Variants in HHAT observed in about 807,000 individuals in gnomAD.
HHAT encodes the protein protein-cysteine N-palmitoyltransferase HHAT.
Under a neutral mutation model 70.8 loss-of-function variants are expected in HHAT, and 47 were observed. The observed-to-expected ratio is 0.66, with a 90% CI of 0.53 to 0.85. HHAT has a LOEUF of 0.85. Among genes scored for constraint, HHAT ranks in the 40% least tolerant of loss-of-function variants. The pLI is 0.00. For synonymous variants in HHAT, 228 were observed against 247.6 expected (o/e 0.92, Z 0.74); for missense variants, 609 against 604.8 (o/e 1.01, Z -0.07).
intron 9 of HHAT, among the ~76,000 whole-genome samples, chr1:210,575,934 T>C (rs1204479666): frequency 1.3e-5 from 2 of 152,184 alleles, no homozygotes; most frequent in Non-Finnish European, 2.9e-5. Context: ...GTGACAGTTA[T>C]TTGATGGCAA....
In HHAT at chr1:210,464,582, C is replaced by T. The variant is rs777865030; in HGVS notation, c.934C>T (p.Arg312Cys). The change falls in exon 8 of 12, where the codon CGC becomes TGC. Residue 312 changes from arginine to cysteine, a missense_variant. By Grantham distance (180) the Arg-to-Cys change is radical. Transcript: ENST00000261458. Reference protein sequence around the residue: ...VLFGVPALLMRLDGLTPPALP... With the variant: ...VLFGVPALLMCLDGLTPPALP... ...CTTTGGCGTGCCTGCTCTGCTCATGCGCCTGGATGGACTCACTCCACCCGC... is the reference window on the plus strand; with the variant it reads ...CTTTGGCGTGCCTGCTCTGCTCATGTGCCTGGATGGACTCACTCCACCCGC... 22 of 1,614,184 alleles carry T rather than the reference C, an allele frequency of 1.4e-5. No individual in the cohort carries two copies. The highest frequency in any genetic ancestry group is 9.9e-5 in the South Asian group (9 of 91,088).
At chr1:210,374,727 CT>C (rs1485946704) in intron 3 of HHAT, among the ~76,000 whole-genome samples, 1 of 150,990 alleles carries the variant, frequency 6.6e-6, no homozygotes, top group Non-Finnish European at 1.5e-5. Context: ...ACAGAGAGGC[CT>C]TGTGTACCTC....
intron 8 of HHAT, among the ~76,000 whole-genome samples, chr1:210,511,569 G>A (rs540033835): frequency 2.2e-4 from 33 of 152,188 alleles, no homozygotes; most frequent in African/African-American, 7.9e-4. Flanking sequence ...GACAGGCAGG[G>A]TCTGGACAGG....
intron 3 of HHAT, among the ~76,000 whole-genome samples, chr1:210,382,251 C>T (rs11119478): frequency 0.024 from 3,610 of 152,280 alleles, 159 homozygotes; most frequent in African/African-American, 0.082. Flanking sequence ...CCCTTCTCCA[C>T]GGGTGGGTGA....
At chr1:210,538,204 A>G (rs944028298) in intron 9 of HHAT, among the ~76,000 whole-genome samples, 1 of 152,122 alleles carries the variant, frequency 6.6e-6, no homozygotes, top group Non-Finnish European at 1.5e-5. Flanking sequence ...AAGGCAATGT[A>G]TTCCTCATTG....
chr1:210,669,344 C>T (rs1229735299), intron 11 of HHAT, among the ~76,000 whole-genome samples: 5 of 152,192 alleles, frequency 3.3e-5, no homozygotes, highest in African/African-American at 7.2e-5. Context: ...ACCTTCTCTT[C>T]GCTTCAGCCA....
At chr1:210,566,033 A>G (rs1307865423) in intron 9 of HHAT, among the ~76,000 whole-genome samples, 3 of 152,070 alleles carry the variant, frequency 2.0e-5, no homozygotes, top group African/African-American at 7.2e-5. Context: ...ACCAGATTTG[A>G]GTAGAAATGC....
At chr1:210,660,936 C>A (rs1465338737) in intron 11 of HHAT, among the ~76,000 whole-genome samples, 1 of 152,074 alleles carries the variant, frequency 6.6e-6, no homozygotes, top group Non-Finnish European at 1.5e-5. Flanking sequence ...AATGACTTAA[C>A]TGTTAGACCC....
chr1:210,346,325 A>G (rs1468350270), intron 1 of HHAT, among the ~76,000 whole-genome samples: 1 of 152,210 alleles, frequency 6.6e-6, no homozygotes, highest in Non-Finnish European at 1.5e-5. Flanking sequence ...ATGTAATACC[A>G]ACATCTTTTG....
intron 9 of HHAT, among the ~76,000 whole-genome samples, chr1:210,539,575 T>G (rs749623891): frequency 6.6e-6 from 1 of 152,186 alleles, no homozygotes; most frequent in Non-Finnish European, 1.5e-5. Flanking sequence ...TCGAGGATTT[T>G]GGGATAGAGA....
intron 1 of HHAT, among the ~76,000 whole-genome samples, chr1:210,334,357 T>C (rs1337335215): frequency 2.0e-5 from 3 of 151,844 alleles, no homozygotes; most frequent in East Asian, 1.9e-4. Context: ...GATTTCGCCA[T>C]GTCGCCCAGG....
intron 9 of HHAT, among the ~76,000 whole-genome samples, chr1:210,527,107 AC>A (rs1425465424): frequency 6.6e-6 from 1 of 152,140 alleles, no homozygotes; most frequent in Non-Finnish European, 1.5e-5. Context: ...AGGGTAACCA[AC>A]CATTTGATAA....
intron 9 of HHAT, among the ~76,000 whole-genome samples, chr1:210,557,291 C>A (rs17016427): frequency 6.6e-6 from 1 of 152,144 alleles, no homozygotes; most frequent in South Asian, 2.1e-4. Flanking sequence ...TAAATGCCCC[C>A]ATGAACCTCA....
At position 210,628,906 on chromosome 1, in the gene HHAT, C is replaced by CG. The variant is rs1196595163; in HGVS notation, c.1390+5238dup. On this transcript the variant is annotated intron_variant, in intron 11 of 11. Coordinates refer to ENST00000261458, the MANE Select transcript of HHAT (RefSeq NM_018194.6). ...AAATTTCATTTCTGATGAAAGAGGACGGAGGGCAGGTGTCGGTGTCTCAGA... is the reference window on the plus strand; with the variant it reads ...AAATTTCATTTCTGATGAAAGAGGACGGGAGGGCAGGTGTCGGTGTCTCAGA... Among the ~76,000 whole-genome samples the CG allele has an allele frequency of 5.9e-5, 9 of 152,196 alleles. No homozygotes were observed. In the South Asian group the frequency reaches 1.2e-3, roughly 21 times the overall value.
At chr1:210,488,625 G>A (rs2094506841) in intron 8 of HHAT, among the ~76,000 whole-genome samples, 1 of 152,236 alleles carries the variant, frequency 6.6e-6, no homozygotes. Context: ...AGGCATGGTG[G>A]CTAATGCCTA....
At chr1:210,463,832 G>C (rs1308375273) in intron 7 of HHAT, among the ~76,000 whole-genome samples, 1 of 152,144 alleles carries the variant, frequency 6.6e-6, no homozygotes, top group African/African-American at 2.4e-5. Context: ...CTGACTTTTC[G>C]ATTCTAGTTA....
chr1:210,653,705 C>G (rs1019297418), intron 11 of HHAT, among the ~76,000 whole-genome samples: 4 of 151,926 alleles, frequency 2.6e-5, no homozygotes, highest in Admixed American at 2.6e-4. Context: ...CCTTTGGTAC[C>G]TTTTGTATTT....
rs146701444 is a variant in HHAT at position 210,616,146 on chromosome 1, A to C, written c.1246-7380A>C. Among the ~76,000 whole-genome samples, 178 of 152,318 alleles carry C rather than the reference A, an allele frequency of 1.2e-3. 1 individual carries two copies. The Middle Eastern group carries it at 0.017, about 15-fold the overall frequency. On this transcript the variant is annotated intron_variant, in intron 10 of 11. Transcript: ENST00000261458. ...TGTATACCTGTGGAATGGCTTAATT[A>C]AGCAAATTAACATGCACTACCTCAC... is the stretch of plus-strand genomic sequence containing the variant.
chr1:210,568,089 C>T (rs2148725890), intron 9 of HHAT, among the ~76,000 whole-genome samples: 1 of 152,346 alleles, frequency 6.6e-6, no homozygotes, highest in South Asian at 2.1e-4. Context: ...AGCCCCATCC[C>T]TCAACCTCTG....
Sources: gnomAD v4.1 joint callset for allele counts (sites outside exome capture counted in the v4.1 genomes callset) on GRCh38, gnomAD v4.1.1 for gene constraint, MANE v1.5 for transcripts, NCBI Gene and HGNC (gene_info 2026-07-23, HGNC 2026-07-21) for gene names.